The following MAPK10 variants were observed in gnomAD, a reference collection of about 807,000 sequenced individuals.
MAPK10 encodes the protein mitogen-activated protein kinase 10.
Under a neutral mutation model 59.3 loss-of-function variants are expected in MAPK10, and 25 were observed. That is an observed-to-expected ratio of 0.42 (90% CI 0.31 to 0.59). The LOEUF (loss-of-function observed/expected upper bound fraction) is 0.59, where lower values mean the gene tolerates loss of function less well. Among genes scored for constraint, MAPK10 ranks in the 20% least tolerant of loss-of-function variants. The pLI is 0.15. For missense variants in MAPK10, 351 were observed against 568.9 expected, an observed-to-expected ratio of 0.62 and a Z score of 3.90; for synonymous variants, 190 against 200.5, an observed-to-expected ratio of 0.95 and a Z score of 0.44.
At chr4:86,052,765 G>C (rs2043822691) in intron 11 of MAPK10, among the ~76,000 whole-genome samples, 1 of 152,132 alleles carries the variant, frequency 6.6e-6, no homozygotes, top group Non-Finnish European at 1.5e-5. Flanking sequence ...TGCAATCTTG[G>C]TTCACTGCAA....
chr4:86,229,372 G>C (rs2091189849), intron 2 of MAPK10, among the ~76,000 whole-genome samples: 1 of 152,152 alleles, frequency 6.6e-6, no homozygotes, highest in East Asian at 1.9e-4. Context: ...GCAGCAATAT[G>C]TGTGGGGTCA....
intron 13 of MAPK10, among the ~76,000 whole-genome samples, chr4:86,021,955 G>A (rs887016011): frequency 3.9e-5 from 6 of 152,332 alleles, no homozygotes; most frequent in Admixed American, 6.5e-5. Flanking sequence ...GCCCGCAAGC[G>A]CCGCACGCGG....
intron 1 of MAPK10, among the ~76,000 whole-genome samples, chr4:86,508,688 A>G (rs895031169): frequency 6.6e-6 from 1 of 152,192 alleles, no homozygotes; most frequent in African/African-American, 2.4e-5. Context: ...GTTTCTGAAC[A>G]TCTTCCAAGA....
chr4:86,246,175 T>C (rs1399956648), intron 2 of MAPK10, among the ~76,000 whole-genome samples: 1 of 152,176 alleles, frequency 6.6e-6, no homozygotes, highest in Non-Finnish European at 1.5e-5. Flanking sequence ...CTCACGCCTG[T>C]AATCCCAGCA....
Position 86,229,993 on chromosome 4 carries a change from C to T in MAPK10, c.-6-35586G>A, listed in dbSNP as rs1038158746. Among the ~76,000 whole-genome samples the T allele has an allele frequency of 5.3e-5, 8 of 152,104 alleles. No individual in the cohort carries two copies. The East Asian group carries it at 1.2e-3, about 22-fold the overall frequency. ...GGAGGATTGCTTGAGCCCATGAGGT[C>T]GAGACTGCTGTGAGCCATGTTTGCA... On this transcript the variant is annotated intron_variant, in intron 2 of 13. Coordinates refer to ENST00000641462, the MANE Select transcript of MAPK10 (RefSeq NM_138982.4).
chr4:86,067,000 T>G (rs1420572798), intron 10 of MAPK10, among the ~76,000 whole-genome samples: 1 of 152,202 alleles, frequency 6.6e-6, no homozygotes, highest in Admixed American at 6.5e-5. Context: ...AGATTATTTA[T>G]AATTTGCCAA....
chr4:86,465,097 G>T (rs1752082552), intron 1 of MAPK10, among the ~76,000 whole-genome samples: 1 of 152,194 alleles, frequency 6.6e-6, no homozygotes, highest in Admixed American at 6.5e-5. Flanking sequence ...AATCCTCGAG[G>T]ATTGGAACCT....
intron 2 of MAPK10, among the ~76,000 whole-genome samples, chr4:86,347,061 G>C (rs986789841): frequency 1.3e-5 from 2 of 152,144 alleles, no homozygotes; most frequent in African/African-American, 4.8e-5. Flanking sequence ...ATTTGAAAGA[G>C]CTTAAAAGTC....
chr4:86,094,211 T>C lies in MAPK10; in HGVS notation c.802+4313A>G, dbSNP rs979534542. ...TGTTCATATTCAAACTTTAAAAAGATACAGCATTCAGTTAATTTGAGGGTG... is the reference window on the plus strand; with the variant it reads ...TGTTCATATTCAAACTTTAAAAAGACACAGCATTCAGTTAATTTGAGGGTG... On this transcript the variant is annotated intron_variant, in intron 9 of 13. Coordinates refer to ENST00000641462, the MANE Select transcript of MAPK10 (RefSeq NM_138982.4). Among the ~76,000 whole-genome samples, 7 of 152,130 alleles carry C rather than the reference T, an allele frequency of 4.6e-5. No individual in the cohort carries two copies. The East Asian group carries it at 1.2e-3, about 25-fold the overall frequency.
chr4:86,416,863 A>G (rs1021262430), intron 1 of MAPK10, among the ~76,000 whole-genome samples: 1 of 152,186 alleles, frequency 6.6e-6, no homozygotes, highest in African/African-American at 2.4e-5. Context: ...CACTGGGACC[A>G]TGTGTGGAAT....
chr4:86,508,502 A>C (rs1346339535), intron 1 of MAPK10, among the ~76,000 whole-genome samples: 1 of 152,146 alleles, frequency 6.6e-6, no homozygotes, highest in Non-Finnish European at 1.5e-5. Context: ...CGGAGTTTAC[A>C]TTCTGTCTGT....
chr4:86,031,554 G>C (rs2039024936), intron 11 of MAPK10, 123 bp from the exon 12 acceptor site: 3 of 652,736 alleles, frequency 4.6e-6, no homozygotes, highest in Non-Finnish European at 5.4e-6. Context: ...TAAGTTATGA[G>C]GAAATTACAG....
rs138302084 is a variant in MAPK10 at position 86,497,242 on chromosome 4, A to G, written c.-263+96668T>C. 2.7e-3 allele frequency among the ~76,000 whole-genome samples: 407 copies of G among 152,304 alleles called. 3 individuals are homozygous for G. The highest frequency in any genetic ancestry group is 9.3e-3 in the African/African-American group (385 of 41,570). ...TATTGTCAGGAATTTCACTTCCCCT[A>G]TGAACAATCCTGTTTCTCATTGTCA... On this transcript the variant is annotated intron_variant, in intron 1 of 4. Coordinates refer to the MAPK10 transcript ENST00000502302.
chr4:86,064,615 G>T, intron 10 of MAPK10: 1 of 504,126 alleles, frequency 2.0e-6, no homozygotes, highest in Non-Finnish European at 3.5e-6. Flanking sequence ...AACACTTTGG[G>T]TATATAATTA....
chr4:86,080,146 A>G (rs1420044168), intron 9 of MAPK10: 1 of 152,096 alleles, frequency 6.6e-6, no homozygotes, highest in Non-Finnish European at 1.5e-5. Context: ...TTGTACACAC[A>G]TAATATAAAG....
At chr4:86,151,688 GAA>G (rs2066517123) in intron 4 of MAPK10, among the ~76,000 whole-genome samples, 2 of 152,244 alleles carry the variant, frequency 1.3e-5, no homozygotes, top group Admixed American at 1.3e-4. Context: ...GGGATGCCTT[GAA>G]AGAGAGATGT....
At chr4:86,582,922 A>G (rs1762402818) in intron 1 of MAPK10, among the ~76,000 whole-genome samples, 1 of 152,124 alleles carries the variant, frequency 6.6e-6, no homozygotes, top group Non-Finnish European at 1.5e-5. Context: ...TTTTATGAAA[A>G]TATTATTGTA....
chr4:86,213,050 T>G (rs774841934), intron 2 of MAPK10, among the ~76,000 whole-genome samples: 1 of 152,136 alleles, frequency 6.6e-6, no homozygotes. Context: ...GAGAAAAACT[T>G]AACAATTCAG....
chr4:86,332,270 T>C (rs1034413803), intron 2 of MAPK10, among the ~76,000 whole-genome samples: 18 of 152,226 alleles, frequency 1.2e-4, no homozygotes, highest in African/African-American at 3.9e-4. Context: ...AATAACACTT[T>C]ACCTTAAATG....
Sources: gnomAD v4.1 joint callset for allele counts (sites outside exome capture counted in the v4.1 genomes callset) on GRCh38, gnomAD v4.1.1 for gene constraint, MANE v1.5 for transcripts, NCBI Gene and HGNC (gene_info 2026-07-23, HGNC 2026-07-21) for gene names.